The following UNC13A variants were observed in gnomAD, a reference collection of about 807,000 sequenced individuals.
UNC13A encodes protein unc-13 homolog A.
In UNC13A, 61 loss-of-function variants were observed where a neutral mutation model predicts 219.7. That is an observed-to-expected ratio of 0.28 (90% confidence interval 0.23 to 0.34). The LOEUF (loss-of-function observed/expected upper bound fraction) is 0.34, where lower values mean the gene tolerates loss of function less well. Ranked by LOEUF, UNC13A falls within the 10% of genes least tolerant of loss-of-function variation. The pLI is 1.00. For missense variants in UNC13A, 1,476 were observed against 2,270.3 expected (o/e 0.65, Z 7.11); for synonymous variants, 920 against 884.6 (o/e 1.04, Z -0.71).
At chr19:17,611,174 C>A (rs1440300522) in intron 42 of UNC13A, among the ~76,000 whole-genome samples, 1 of 151,468 alleles carries the variant, frequency 6.6e-6, no homozygotes, top group Non-Finnish European at 1.5e-5. Flanking sequence ...CAGAGAAAAA[C>A]CAATTCTATC....
chr19:17,637,078 G>A (rs1007073240), intron 25 of UNC13A, among the ~76,000 whole-genome samples: 3 of 151,244 alleles, frequency 2.0e-5, no homozygotes, highest in Non-Finnish European at 2.9e-5. Context: ...CTGGGCTCAA[G>A]TGATCCTTCC....
At chr19:17,628,302 C>CATTTTT in intron 31 of UNC13A, 1 of 290,052 alleles carries the variant, frequency 3.4e-6, no homozygotes, top group Non-Finnish European at 6.6e-6. Context: ...GACAGTGACA[C>CATTTTT]ACTGAAGGCG....
intron 1 of UNC13A, among the ~76,000 whole-genome samples, chr19:17,683,529 G>A (rs566606332): frequency 2.0e-4 from 30 of 152,000 alleles, no homozygotes; most frequent in African/African-American, 6.0e-4. Flanking sequence ...GTGGTAGCAC[G>A]TGCCTGTAAT....
chr19:17,649,216 G>A lies in UNC13A; in HGVS notation c.1524+123C>T. Reference sequence around the variant, plus strand: ...AGCAGCCCCGCACCCCTGACTCACAGCATCCAACACAGTGGGACATGGCAA... The same window carrying A: ...AGCAGCCCCGCACCCCTGACTCACAACATCCAACACAGTGGGACATGGCAA... On this transcript the variant is annotated intron_variant, in intron 14 of 43. Coordinates refer to ENST00000519716, the MANE Select transcript of UNC13A (RefSeq NM_001080421.3). The surrounding 1 kb of genome is among the most constrained non-coding windows in gnomAD (Gnocchi z 4.4). 3.4e-6 allele frequency: 5 copies of A among 1,466,774 alleles called. No homozygotes were observed. Among genetic ancestry groups the A allele is most frequent in the Non-Finnish European group, 4.6e-6 (5 of 1,084,080 alleles). 90.9% of individuals were successfully genotyped at this position (1,466,774 alleles called of 1,614,324 possible).
At chr19:17,625,348 A>G (rs1002695755) in intron 34 of UNC13A, among the ~76,000 whole-genome samples, 2 of 152,118 alleles carry the variant, frequency 1.3e-5, no homozygotes, top group South Asian at 2.1e-4. Flanking sequence ...CCCAAGAGGA[A>G]CAGGAGGGGA....
chr19:17,660,436 A>G (rs1292911737), intron 8 of UNC13A, among the ~76,000 whole-genome samples: 1 of 151,604 alleles, frequency 6.6e-6, no homozygotes, highest in Non-Finnish European at 1.5e-5. Context: ...TTTTAACCCA[A>G]CGGTCTGTTT....
intron 43 of UNC13A, among the ~76,000 whole-genome samples, chr19:17,608,288 TATA>T (rs1488938496): frequency 3.6e-5 from 5 of 140,064 alleles, no homozygotes; most frequent in Admixed American, 2.3e-4. Context: ...TTATATATAA[TATA>T]ATATATACTA....
At chr19:17,635,510 C>T (rs888130443) in intron 26 of UNC13A, among the ~76,000 whole-genome samples, 1 of 152,012 alleles carries the variant, frequency 6.6e-6, no homozygotes, top group Non-Finnish European at 1.5e-5. Context: ...AAACTGTGCC[C>T]ATATTCATAC....
In UNC13A at chr19:17,636,824, C is replaced by T. The variant is rs527900958; in HGVS notation, c.3082-667G>A. ...AACCCAATTCAACTGAAATCAATTG[C>T]ATCTAATCCAACAACCCAGTTCATC... On this transcript the variant is annotated intron_variant, in intron 25 of 43. Coordinates refer to ENST00000519716, the MANE Select transcript of UNC13A (RefSeq NM_001080421.3). 2.0e-5 allele frequency among the ~76,000 whole-genome samples: 3 copies of T among 152,302 alleles called. 1 individual carries two copies. Among genetic ancestry groups the T allele is most frequent in the African/African-American group, 7.2e-5 (3 of 41,562 alleles).
chr19:17,670,583 G>T (rs754991064), intron 4 of UNC13A, among the ~76,000 whole-genome samples: 3 of 151,722 alleles, frequency 2.0e-5, no homozygotes, highest in Non-Finnish European at 4.4e-5. Context: ...CAACCATTTC[G>T]TCCCTCTGCA....
At chr19:17,628,315 T>TAC in intron 31 of UNC13A, 1 of 195,718 alleles carries the variant, frequency 5.1e-6, no homozygotes, top group Non-Finnish European at 1.0e-5. Flanking sequence ...TGAAGGCGTG[T>TAC]GCCCTCACCC....
chr19:17,677,661 C>T lies in UNC13A; in HGVS notation c.23-1620G>A, dbSNP rs768157559. Among the ~76,000 whole-genome samples, 6 of 152,148 alleles carry T rather than the reference C, an allele frequency of 3.9e-5. No individual in the cohort carries two copies. In the South Asian group the frequency reaches 6.2e-4, roughly 16 times the overall value. On this transcript the variant is annotated intron_variant, in intron 1 of 43. Transcript: ENST00000519716. The stretch of plus-strand genomic sequence containing the variant: ...GGATGACAGGTGTGAGCTGCCACAC[C>T]GGCCCCTTTTCTTTCCTCCCTCTTT...
At chr19:17,676,303 A>C (rs2079898204) in intron 1 of UNC13A, 1 of 603,356 alleles carries the variant, frequency 1.7e-6, no homozygotes. Context: ...GCCATCAGAC[A>C]GATGAGCACA....
At chr19:17,613,299 T>C (rs1311229770) in intron 41 of UNC13A, among the ~76,000 whole-genome samples, 1 of 151,734 alleles carries the variant, frequency 6.6e-6, no homozygotes, top group East Asian at 1.9e-4. Flanking sequence ...GTCCCAGCTA[T>C]CTAGGAGGCT....
At chr19:17,625,573 C>T (rs754563512) in intron 34 of UNC13A, among the ~76,000 whole-genome samples, 3 of 151,996 alleles carry the variant, frequency 2.0e-5, no homozygotes, top group Non-Finnish European at 4.4e-5. Flanking sequence ...TTCCATGCAT[C>T]CTTCTACCCA....
At chr19:17,651,915 C>T (rs1275670853) in intron 12 of UNC13A, among the ~76,000 whole-genome samples, 1 of 152,210 alleles carries the variant, frequency 6.6e-6, no homozygotes, top group East Asian at 1.9e-4. Context: ...ACCTGAAAAT[C>T]CATAACATAA....
At chr19:17,666,859 G>C (rs1389410924) in intron 6 of UNC13A, among the ~76,000 whole-genome samples, 155 bp from the exon 7 acceptor site, 1 of 148,494 alleles carries the variant, frequency 6.7e-6, no homozygotes, top group African/African-American at 2.6e-5. Context: ...GAGAGAAAAG[G>C]AGAGAAAGAC....
At chr19:17,638,977 T>C (rs2076939590) in intron 25 of UNC13A, 106 bp downstream of exon 25, 2 of 1,312,390 alleles carry the variant, frequency 1.5e-6, no homozygotes, top group Non-Finnish European at 2.0e-6. Flanking sequence ...TAGAAGAAGA[T>C]ACTGAGGTTC....
At chr19:17,624,783 C>CTA in intron 35 of UNC13A, 46 bp downstream of exon 35, 2 of 1,582,524 alleles carry the variant, frequency 1.3e-6, no homozygotes, top group South Asian at 2.3e-5. Context: ...GGGCTCTCGC[C>CTA]AGGGAGGTGG....
Sources: allele counts gnomAD v4.1 joint callset (sites outside exome capture counted in the v4.1 genomes callset), GRCh38; gene constraint gnomAD v4.1.1; non-coding constraint Gnocchi (gnomAD v3.1); transcripts MANE v1.5; gene names NCBI Gene and HGNC (gene_info 2026-07-23, HGNC 2026-07-21).